GRIK2: variants seen among roughly 807,000 people sequenced by gnomAD.
GRIK2 encodes the protein glutamate receptor ionotropic, kainate 2.
Under a neutral mutation model 100.3 loss-of-function variants are expected in GRIK2, and 32 were observed. The observed-to-expected ratio is 0.32, with a 90% confidence interval of 0.24 to 0.43. The LOEUF (loss-of-function observed/expected upper bound fraction) is 0.43, where lower values mean the gene tolerates loss of function less well. Among genes scored for constraint, GRIK2 ranks in the 20% least tolerant of loss-of-function variants. GRIK2 has a pLI of 1.00. For synonymous variants in GRIK2, 417 were observed against 389.4 expected (o/e 1.07, Z -0.83); for missense variants, 843 against 1,114.9 (o/e 0.76, Z 3.47).
intron 10 of GRIK2, among the ~76,000 whole-genome samples, chr6:101,833,764 A>G (rs548398232): frequency 1.3e-5 from 2 of 152,240 alleles, no homozygotes; most frequent in South Asian, 2.1e-4. Context: ...GTTAAAAAAT[A>G]TTCTCATGAA....
chr6:101,557,731 TTC>T (rs1353013557), intron 2 of GRIK2, among the ~76,000 whole-genome samples: 1 of 152,164 alleles, frequency 6.6e-6, no homozygotes, highest in Non-Finnish European at 1.5e-5. Context: ...CTGAGATACT[TTC>T]TTTCTTTTTA....
intron 2 of GRIK2, among the ~76,000 whole-genome samples, chr6:101,490,963 A>G (rs975964026): frequency 6.8e-6 from 1 of 146,780 alleles, no homozygotes; most frequent in Non-Finnish European, 1.5e-5. Context: ...TTTCCAAAAC[A>G]TAACTGATCT....
intron 2 of GRIK2, among the ~76,000 whole-genome samples, chr6:101,545,236 G>C (rs867744797): frequency 1.3e-5 from 2 of 152,178 alleles, no homozygotes; most frequent in Non-Finnish European, 2.9e-5. Flanking sequence ...GACTGCTTAA[G>C]TAGATGAGTG....
At chr6:101,713,330 G>A (rs974393842) in intron 7 of GRIK2, among the ~76,000 whole-genome samples, 1 of 151,500 alleles carries the variant, frequency 6.6e-6, no homozygotes, top group Non-Finnish European at 1.5e-5. Flanking sequence ...TTAAGGACTT[G>A]TTAAACAGTA....
chr6:101,517,470 G>A (rs755588632), intron 2 of GRIK2, among the ~76,000 whole-genome samples: 23 of 152,184 alleles, frequency 1.5e-4, no homozygotes, highest in Non-Finnish European at 3.2e-4. Context: ...CACAGTAGAC[G>A]ATCAAGAATT....
intron 14 of GRIK2, among the ~76,000 whole-genome samples, chr6:102,015,540 A>T (rs1795790281): frequency 6.6e-6 from 1 of 152,230 alleles, no homozygotes; most frequent in Non-Finnish European, 1.5e-5. Flanking sequence ...AGTTGCTATC[A>T]GGTCCTTTGC....
intron 4 of GRIK2, among the ~76,000 whole-genome samples, chr6:101,655,626 A>T (rs1337417): frequency 1.5e-4 from 23 of 152,138 alleles, no homozygotes; most frequent in African/African-American, 5.6e-4. Flanking sequence ...ATTAAAGCAA[A>T]AATAAATCAT....
chr6:101,462,960 A>C (rs1771412750), intron 2 of GRIK2, among the ~76,000 whole-genome samples: 1 of 152,134 alleles, frequency 6.6e-6, no homozygotes, highest in Admixed American at 6.5e-5. Context: ...TTATGTAAGG[A>C]AGAGATATAA....
At chr6:101,903,323 A>G (rs1241527980) in intron 12 of GRIK2, among the ~76,000 whole-genome samples, 1 of 151,788 alleles carries the variant, frequency 6.6e-6, no homozygotes, top group African/African-American at 2.4e-5. Context: ...ATAGGGATTT[A>G]TTGAATTGTG....
chr6:102,039,132 C>G (rs1215991582), intron 15 of GRIK2, among the ~76,000 whole-genome samples: 1 of 151,432 alleles, frequency 6.6e-6, no homozygotes, highest in Non-Finnish European at 1.5e-5. Flanking sequence ...CTCCCCATCA[C>G]CATTCATCAC....
At chr6:101,975,003 T>C (rs1457935465) in intron 14 of GRIK2, among the ~76,000 whole-genome samples, 2 of 151,948 alleles carry the variant, frequency 1.3e-5, no homozygotes, top group Non-Finnish European at 2.9e-5. Flanking sequence ...AAATCTTATA[T>C]AGAAATATTC....
intron 12 of GRIK2, among the ~76,000 whole-genome samples, chr6:101,912,046 GCACA>G (rs571177027): frequency 0.012 from 786 of 62,898 alleles, 5 homozygotes; most frequent in Middle Eastern, 0.019. Flanking sequence ...CAGGGGCAAC[GCACA>G]CACACACACA....
intron 14 of GRIK2, among the ~76,000 whole-genome samples, chr6:101,966,062 A>G (rs958101275): frequency 2.6e-5 from 4 of 152,112 alleles, no homozygotes; most frequent in African/African-American, 9.7e-5. Flanking sequence ...TTATGTGCCA[A>G]ATTCTTGATA....
chr6:101,855,188 T>G (rs904141933), intron 10 of GRIK2, among the ~76,000 whole-genome samples: 1 of 152,188 alleles, frequency 6.6e-6, no homozygotes, highest in Non-Finnish European at 1.5e-5. Context: ...GAATATTTTA[T>G]TCATTTAACA....
At chr6:101,665,155 C>T (rs1769926748) in intron 4 of GRIK2, among the ~76,000 whole-genome samples, 1 of 152,178 alleles carries the variant, frequency 6.6e-6, no homozygotes, top group Admixed American at 6.6e-5. Context: ...TGCTCCTTGG[C>T]ATTGTTATAG....
chr6:101,974,588 C>T (rs1036829332), intron 14 of GRIK2, among the ~76,000 whole-genome samples: 2 of 152,024 alleles, frequency 1.3e-5, no homozygotes, highest in Non-Finnish European at 2.9e-5. Flanking sequence ...CAGGGGAATG[C>T]TACAGTATTG....
chr6:101,838,293 A>G (rs541255950), intron 10 of GRIK2, among the ~76,000 whole-genome samples: 48 of 152,264 alleles, frequency 3.2e-4, no homozygotes, highest in African/African-American at 1.0e-3. Flanking sequence ...TATTAAATAA[A>G]TTTGTATGTT....
At chr6:101,847,033 A>T (rs1038699886) in intron 10 of GRIK2, among the ~76,000 whole-genome samples, 1 of 143,936 alleles carries the variant, frequency 6.9e-6, no homozygotes, top group Non-Finnish European at 1.5e-5. Flanking sequence ...TTTTCTTCCT[A>T]CCTGCAGGTT....
At chr6:101,739,058 G>A (rs955203779) in intron 7 of GRIK2, among the ~76,000 whole-genome samples, 1 of 152,140 alleles carries the variant, frequency 6.6e-6, no homozygotes, top group African/African-American at 2.4e-5. Context: ...CTATGGAATT[G>A]CTAATTAAGG....
Sources: allele counts gnomAD v4.1 joint callset (sites outside exome capture counted in the v4.1 genomes callset), GRCh38; gene constraint gnomAD v4.1.1; transcripts MANE v1.5; gene names NCBI Gene and HGNC (gene_info 2026-07-23, HGNC 2026-07-21).